LANCL3: variants seen among roughly 807,000 people sequenced by gnomAD.
LANCL3 encodes LanC like family member 3, also known as lanC-like protein 3.
LANCL3 carries 19 observed loss-of-function variants against 26.5 expected under a neutral mutation model. The ratio of observed to expected loss-of-function variants is 0.72; its 90% confidence interval spans 0.50 to 1.05. The LOEUF (loss-of-function observed/expected upper bound fraction) is 1.05. Among genes scored for constraint, LANCL3 ranks in the 50% least tolerant of loss-of-function variants. LANCL3 has a pLI of 0.00. For synonymous variants in LANCL3, 160 were observed against 166.6 expected (o/e 0.96, Z 0.30); for missense variants, 318 against 362.7 (o/e 0.88, Z 1.00).
In LANCL3 at chrX:37,597,723, C is replaced by T. The variant is rs1924474032; in HGVS notation, c.573+25280C>T. The stretch of plus-strand genomic sequence containing the variant: ...TAGAGGCAGGGTTCTCGCTATATTG[C>T]CCAAGCTGTTCTCGAACTTCTGGGC... On this transcript the variant is annotated intron_variant, in intron 1 of 4. Coordinates refer to ENST00000378619, the MANE Select transcript of LANCL3 (RefSeq NM_001170331.2). 5.7e-5 allele frequency among the ~76,000 whole-genome samples: 5 copies of T among 87,946 alleles called. No individual in the cohort carries two copies. The Admixed American group carries it at 6.3e-4, about 11-fold the overall frequency. 76.4% of individuals were successfully genotyped at this position (87,946 alleles called of 115,157 possible).
chrX:37,659,718 G>T, intron 3 of LANCL3, 59 bp downstream of exon 3: 1 of 1,035,884 alleles, frequency 9.7e-7, no homozygotes, highest in Non-Finnish European at 1.3e-6. Flanking sequence ...CCACAGGGTG[G>T]TTCCTTTTCT....
intron 1 of LANCL3, among the ~76,000 whole-genome samples, chrX:37,612,200 C>G (rs1924895021): frequency 8.9e-6 from 1 of 111,831 alleles, no homozygotes. Flanking sequence ...CCTTGGCCTC[C>G]CAAAGTGCTG....
chrX:37,646,281 T>C (rs1455506397), intron 1 of LANCL3, among the ~76,000 whole-genome samples: 4 of 112,738 alleles, frequency 3.5e-5, no homozygotes, highest in Non-Finnish European at 7.5e-5. Context: ...ATCTTTAAGC[T>C]TGCTCAACAC....
chrX:37,623,398 C>T (rs1556422595), intron 1 of LANCL3, among the ~76,000 whole-genome samples: 1 of 111,013 alleles, frequency 9.0e-6, no homozygotes, highest in Non-Finnish European at 1.9e-5. Context: ...ATGTAAATAA[C>T]CCTACTTCCC....
intron 1 of LANCL3, among the ~76,000 whole-genome samples, chrX:37,629,741 C>A (rs1481318694): frequency 9.0e-6 from 1 of 111,205 alleles, no homozygotes; most frequent in East Asian, 2.8e-4. Context: ...TCAGGTTTGT[C>A]AAAGATCAGA....
chrX:37,669,443 G>A (rs1414684421), intron 4 of LANCL3, among the ~76,000 whole-genome samples: 1 of 111,358 alleles, frequency 9.0e-6, no homozygotes. Context: ...TGGATCCTGG[G>A]GACAGAGTTC....
At chrX:37,668,793 A>G (rs1926609995) in intron 4 of LANCL3, among the ~76,000 whole-genome samples, 1 of 111,726 alleles carries the variant, frequency 9.0e-6, no homozygotes, top group Non-Finnish European at 1.9e-5. Flanking sequence ...TATCAAATTG[A>G]TTGTGTGACA....
intron 1 of LANCL3, among the ~76,000 whole-genome samples, chrX:37,591,303 A>G (rs1924267981): frequency 8.9e-6 from 1 of 111,840 alleles, no homozygotes; most frequent in South Asian, 3.7e-4. Context: ...AGATGTTTGG[A>G]AGAATAGCCT....
chrX:37,574,076 CCCA>C (rs1183927485), intron 1 of LANCL3, among the ~76,000 whole-genome samples: 1 of 84,454 alleles, frequency 1.2e-5, no homozygotes, highest in African/African-American at 5.1e-5. Flanking sequence ...AAAAAAAAAA[CCCA>C]CCACCACCAC....
At chrX:37,649,573 A>C (rs1378364678) in intron 1 of LANCL3, among the ~76,000 whole-genome samples, 6 of 112,005 alleles carry the variant, frequency 5.4e-5, no homozygotes, top group African/African-American at 2.0e-4. Flanking sequence ...CCCAGAACTT[A>C]AAGTAAAATA....
At chrX:37,633,122 G>A (rs782651444) in intron 1 of LANCL3, among the ~76,000 whole-genome samples, 1 of 106,859 alleles carries the variant, frequency 9.4e-6, no homozygotes, top group South Asian at 4.2e-4. Flanking sequence ...TTTTCACATA[G>A]TCCGATATTT....
In LANCL3 at chrX:37,629,476, G is replaced by A. The variant is rs1258680159; in HGVS notation, c.574-26212G>A. Among the ~76,000 whole-genome samples the A allele has an allele frequency of 1.0e-4, 11 of 108,510 alleles. No homozygotes were observed. In the South Asian group the frequency reaches 1.6e-3, roughly 16 times the overall value. 94.2% of individuals were successfully genotyped at this position (108,510 alleles called of 115,157 possible). Reference sequence around the variant, plus strand: ...AATTAGATCCCATTTGTCAATTTTGGCTTTTGTTGCCATTGCTTTTGGTGT... The same window carrying A: ...AATTAGATCCCATTTGTCAATTTTGACTTTTGTTGCCATTGCTTTTGGTGT... On this transcript the variant is annotated intron_variant, in intron 1 of 4. Transcript: ENST00000378619.
At chrX:37,605,423 A>C (rs1924682366) in intron 1 of LANCL3, among the ~76,000 whole-genome samples, 2 of 111,707 alleles carry the variant, frequency 1.8e-5, no homozygotes, top group Admixed American at 1.9e-4. Flanking sequence ...ACTTAACAAC[A>C]ATGAAGGTCA....
At chrX:37,652,330 G>T (rs1235710926) in intron 1 of LANCL3, among the ~76,000 whole-genome samples, 1 of 110,368 alleles carries the variant, frequency 9.1e-6, no homozygotes, top group African/African-American at 3.3e-5. Context: ...CCTCTGCATG[G>T]AGGTAGTTCA....
intron 1 of LANCL3, among the ~76,000 whole-genome samples, chrX:37,603,606 T>A (rs911383123): frequency 8.9e-6 from 1 of 112,408 alleles, no homozygotes; most frequent in Non-Finnish European, 1.9e-5. Context: ...TGTTTGTATC[T>A]CATTTTAAGA....
rs1332253014 is a variant in LANCL3, at chrX:37,631,492, A to G, written c.574-24196A>G. ...TCTTAGTTATTTCTTGCCTTCTGCT[A>G]GCTTTTGAATGTGTTTGCTCTTGCT... On this transcript the variant is annotated intron_variant, in intron 1 of 4. Transcript: ENST00000378619. Among the ~76,000 whole-genome samples the G allele has an allele frequency of 3.6e-5, 4 of 111,149 alleles. No homozygotes were observed. The South Asian group carries it at 1.5e-3, about 42-fold the overall frequency.
intron 1 of LANCL3, among the ~76,000 whole-genome samples, chrX:37,621,912 A>G (rs1431409846): frequency 9.0e-6 from 1 of 111,303 alleles, no homozygotes; most frequent in African/African-American, 3.3e-5. Context: ...AGCATCCCTC[A>G]TACACCTCTC....
chrX:37,604,493 C>T (rs1556420350), intron 1 of LANCL3, among the ~76,000 whole-genome samples: 15 of 111,922 alleles, frequency 1.3e-4, no homozygotes, highest in Non-Finnish European at 2.6e-4. Context: ...TATTATTGTT[C>T]GTATGTCTAT....
chrX:37,615,422 C>T (rs1924980393), intron 1 of LANCL3, among the ~76,000 whole-genome samples: 1 of 112,063 alleles, frequency 8.9e-6, no homozygotes, highest in Non-Finnish European at 1.9e-5. Context: ...ACCAGCTTCT[C>T]ATAGCAAATA....
Sources: gnomAD v4.1 joint callset for allele counts (sites outside exome capture counted in the v4.1 genomes callset) on GRCh38, gnomAD v4.1.1 for gene constraint, MANE v1.5 for transcripts, NCBI Gene and HGNC (gene_info 2026-07-23, HGNC 2026-07-21) for gene names.